GRAMD1B: variants seen among roughly 807,000 people sequenced by gnomAD.
GRAMD1B encodes the protein GRAM domain containing 1B, also known as protein Aster-B.
A neutral mutation model predicts 99.7 loss-of-function variants in GRAMD1B; 37 were observed. The observed-to-expected ratio is 0.37, with a 90% CI of 0.29 to 0.49. The LOEUF (loss-of-function observed/expected upper bound fraction) is 0.49. Ranked by LOEUF, GRAMD1B falls within the 20% of genes least tolerant of loss-of-function variation. The pLI is 0.98. For synonymous variants in GRAMD1B, 427 were observed against 387.6 expected (o/e 1.10, Z -1.19); for missense variants, 888 against 1,009.2 (o/e 0.88, Z 1.63).
intron 2 of GRAMD1B, among the ~76,000 whole-genome samples, chr11:123,550,479 A>G (rs1280287429): frequency 6.6e-6 from 1 of 152,210 alleles, no homozygotes; most frequent in Non-Finnish European, 1.5e-5. Flanking sequence ...AGTGCAGCAC[A>G]GGAACCTAAC....
At chr11:123,423,104 T>G (rs115219537) in intron 1 of GRAMD1B, among the ~76,000 whole-genome samples, 1,847 of 152,230 alleles carry the variant, frequency 0.012, 40 homozygotes, top group African/African-American at 0.042. Flanking sequence ...TAAATACTTT[T>G]TGATTGATTT....
At chr11:123,619,483 G>A in intron 19 of GRAMD1B, 1 of 1,265,130 alleles carries the variant, frequency 7.9e-7, no homozygotes, top group Non-Finnish European at 1.0e-6. Context: ...TTAGGTGGAA[G>A]GAGAACTCTT....
chr11:123,606,032 G>A (rs1952662456), intron 10 of GRAMD1B, among the ~76,000 whole-genome samples: 1 of 151,632 alleles, frequency 6.6e-6, no homozygotes. Context: ...GTGCTGGCAG[G>A]CAGAAGAACA....
rs61906287 is a variant in GRAMD1B, at chr11:123,577,158, A to G, written c.453-209A>G. Among the ~76,000 whole-genome samples, 514 of 152,328 alleles carry G rather than the reference A, an allele frequency of 3.4e-3. 2 individuals are homozygous for G. The highest frequency in any genetic ancestry group is 5.0e-3 in the Non-Finnish European group (337 of 68,032). On this transcript the variant is annotated intron_variant, in intron 2 of 19. Transcript: ENST00000635736. ...CGTTGGCTCGTGCGTCTGTGTCCAC[A>G]TGGGCACTGCTGCCCTCCCGTGGCC... is the stretch of plus-strand genomic sequence containing the variant.
chr11:123,525,343 C>T (rs769021601), intron 2 of GRAMD1B, among the ~76,000 whole-genome samples: 10 of 152,148 alleles, frequency 6.6e-5, no homozygotes, highest in Non-Finnish European at 1.0e-4. Flanking sequence ...CCTAGATGTC[C>T]CAGGCACTCA....
At chr11:123,595,825 T>C (rs1226235500) in intron 6 of GRAMD1B, 117 bp from the exon 7 acceptor site, 2 of 600,670 alleles carry the variant, frequency 3.3e-6, no homozygotes, top group South Asian at 2.1e-5. Context: ...TCTTCCAGGG[T>C]TATAAATATG....
chr11:123,507,583 A>G (rs1591749553), intron 2 of GRAMD1B, among the ~76,000 whole-genome samples: 1 of 152,178 alleles, frequency 6.6e-6, no homozygotes, highest in South Asian at 2.1e-4. Context: ...CTCAATTTGA[A>G]TCAGAGTAGT....
chr11:123,598,316 G>T, intron 7 of GRAMD1B: 2 of 1,235,608 alleles, frequency 1.6e-6, no homozygotes, highest in Non-Finnish European at 1.2e-6. Flanking sequence ...GGTTTTTGGG[G>T]TTGTAAATGA....
At chr11:123,424,809 G>C (rs772706110) in intron 1 of GRAMD1B, among the ~76,000 whole-genome samples, 4 of 152,102 alleles carry the variant, frequency 2.6e-5, no homozygotes, top group Non-Finnish European at 5.9e-5. Flanking sequence ...CTGCTTTGAG[G>C]GATCATGTGC....
chr11:123,437,195 C>T (rs554824355), intron 1 of GRAMD1B, among the ~76,000 whole-genome samples: 2 of 152,294 alleles, frequency 1.3e-5, no homozygotes, highest in Admixed American at 6.5e-5. Context: ...CCTCTGAGCT[C>T]AGGGAATAGC....
At chr11:123,593,164 G>A (rs1172243242) in intron 4 of GRAMD1B, among the ~76,000 whole-genome samples, 1 of 151,170 alleles carries the variant, frequency 6.6e-6, no homozygotes, top group Non-Finnish European at 1.5e-5. Flanking sequence ...CCCGGGAGGT[G>A]GAGGTTGCAG....
At chr11:123,462,890 T>TAAAAAAAAAAAAAAAAAAAAA (rs55643501) in intron 1 of GRAMD1B, among the ~76,000 whole-genome samples, 14 of 123,016 alleles carry the variant, frequency 1.1e-4, no homozygotes, top group South Asian at 5.2e-4. Context: ...AAAAAATAAA[T>TAAAAAAAAAAAAAAAAAAAAA]TAAAAAAAAA....
At chr11:123,422,058 C>G (rs1565488471) in intron 1 of GRAMD1B, among the ~76,000 whole-genome samples, 1 of 152,186 alleles carries the variant, frequency 6.6e-6, no homozygotes, top group Non-Finnish European at 1.5e-5. Flanking sequence ...TAGCATAACT[C>G]ATCCCTAAAT....
At chr11:123,536,026 G>A (rs1276209838) in intron 2 of GRAMD1B, among the ~76,000 whole-genome samples, 1 of 152,192 alleles carries the variant, frequency 6.6e-6, no homozygotes. Context: ...TATGTGGCGG[G>A]CCTCTGGGGA....
chr11:123,587,191 G>A lies in GRAMD1B; in HGVS notation c.684+2859G>A, dbSNP rs958065295. On this transcript the variant is annotated intron_variant, in intron 4 of 19. Coordinates refer to ENST00000635736, the MANE Select transcript of GRAMD1B (RefSeq NM_001387025.1). The surrounding 1 kb of genome is among the most constrained non-coding windows in gnomAD (Gnocchi z 4.2). ...GAGCCATTGCCATGATGACAGACAT[G>A]CTTGGTCTAAAGAGTGAGTCATGCG... 2.0e-5 allele frequency among the ~76,000 whole-genome samples: 3 copies of A among 152,326 alleles called. No individual in the cohort carries two copies. Among genetic ancestry groups the A allele is most frequent in the East Asian group, 1.9e-4 (1 of 5,180 alleles).
intron 3 of GRAMD1B, 143 bp downstream of exon 3, chr11:123,577,720 G>T (rs185563561): frequency 6.1e-6 from 4 of 658,632 alleles, no homozygotes; most frequent in South Asian, 5.5e-5. Context: ...ATCCAGTGAG[G>T]TGAGGCGGGG....
intron 1 of GRAMD1B, among the ~76,000 whole-genome samples, chr11:123,435,256 C>A (rs948130): frequency 0.94 from 142,472 of 152,186 alleles, 66,725 homozygotes; most frequent in East Asian, 1. Context: ...CCCCAAATCT[C>A]CTGCTCCAAA....
intron 2 of GRAMD1B, chr11:123,491,965 TG>T: frequency 2.5e-6 from 1 of 399,242 alleles, no homozygotes; most frequent in Non-Finnish European, 4.4e-6. Context: ...GCCAAGTAGG[TG>T]GTGGGGACCC....
At chr11:123,388,178 A>T (rs948640545) in intron 1 of GRAMD1B, among the ~76,000 whole-genome samples, 1 of 151,740 alleles carries the variant, frequency 6.6e-6, no homozygotes, top group African/African-American at 2.4e-5. Flanking sequence ...GAAAGGGGGA[A>T]AAATAGTAAC....
Sources: allele counts gnomAD v4.1 joint callset (sites outside exome capture counted in the v4.1 genomes callset), GRCh38; gene constraint gnomAD v4.1.1; non-coding constraint Gnocchi (gnomAD v3.1); transcripts MANE v1.5; gene names NCBI Gene and HGNC (gene_info 2026-07-23, HGNC 2026-07-21).